The following ARHGAP11B variants were observed in gnomAD, a reference collection of about 807,000 sequenced individuals.
ARHGAP11B encodes Rho GTPase activating protein 11B.
Under a neutral mutation model 27.6 loss-of-function variants are expected in ARHGAP11B, and 14 were observed. The ratio of observed to expected loss-of-function variants is 0.51; its 90% CI spans 0.34 to 0.79. ARHGAP11B has a LOEUF of 0.79. ARHGAP11B is among the 30% of genes least tolerant of loss of function. The pLI, the probability that ARHGAP11B is intolerant of heterozygous loss-of-function variation, is 0.02. For missense variants in ARHGAP11B, 245 were observed against 320.1 expected (o/e 0.77, Z 1.79); for synonymous variants, 82 against 114.1 (o/e 0.72, Z 1.80).
exon 11 of ARHGAP11B, chr15:30,648,909 T>A (rs1255677015): frequency 6.6e-6 from 1 of 152,094 alleles, no homozygotes; most frequent in East Asian, 1.9e-4. Flanking sequence ...TAATAGAAAG[T>A]AGGATTTAAT....
Position 30,633,516 on chromosome 15 carries a change from T to G in ARHGAP11B, c.227T>G (p.Leu76Ter). The G allele has an allele frequency of 1.2e-6, 2 of 1,613,118 alleles. No individual in the cohort carries two copies. The highest frequency in any genetic ancestry group is 1.7e-6 in the Non-Finnish European group (2 of 1,179,588). ...TTTCTTGTCGATGCTTGCACATCTT[T>G]AGAAGAACATATTCATACCGAAGGG... Residue 76 changes from leucine (L) to a stop codon, truncating the protein, a stop_gained, in exon 3 of 11, where the codon TTA becomes TGA. Transcript: ENST00000428041. LOFTEE classifies it high-confidence loss of function.
intron 7 of ARHGAP11B, among the ~76,000 whole-genome samples, chr15:30,641,338 C>CT (rs561343093): frequency 0.24 from 34,177 of 142,632 alleles, 4,275 homozygotes; most frequent in Middle Eastern, 0.32. Flanking sequence ...ATAATTGTCT[C>CT]TTTTTTTTTT....
intron 6 of ARHGAP11B, among the ~76,000 whole-genome samples, chr15:30,636,204 T>G (rs2060278817): frequency 6.6e-6 from 1 of 151,862 alleles, no homozygotes; most frequent in Non-Finnish European, 1.5e-5. Flanking sequence ...TTACCTGATT[T>G]GAAGAATTGA....
chr15:30,636,243 A>G (rs1353539889), intron 6 of ARHGAP11B, among the ~76,000 whole-genome samples: 1 of 152,042 alleles, frequency 6.6e-6, no homozygotes, highest in Non-Finnish European at 1.5e-5. Flanking sequence ...ATGGTCAGCA[A>G]TGTGTGTCAG....
At chr15:30,639,968 T>TAGAGAG (rs1468172770) in intron 7 of ARHGAP11B, among the ~76,000 whole-genome samples, 2 of 125,390 alleles carry the variant, frequency 1.6e-5, no homozygotes, top group African/African-American at 5.9e-5. Flanking sequence ...TGTTTCAATA[T>TAGAGAG]AGAGTGTGTG....
rs566743223 is a variant in ARHGAP11B at position 30,631,440 on chromosome 15, C to T, written c.200+667C>T. The stretch of plus-strand genomic sequence containing the variant: ...ATTTTGAGGGCCGAGGCAGGAGGAT[C>T]GCTTGAGCTCAGGATTTTGAGACCA... On this transcript the variant is annotated intron_variant, in intron 2 of 10. Transcript: ENST00000428041. 3.2e-4 allele frequency among the ~76,000 whole-genome samples: 49 copies of T among 152,036 alleles called. No individual in the cohort carries two copies. The East Asian group carries it at 7.8e-3, about 24-fold the overall frequency.
At chr15:30,631,065 T>G (rs1310183156) in intron 2 of ARHGAP11B, among the ~76,000 whole-genome samples, 1 of 151,488 alleles carries the variant, frequency 6.6e-6, no homozygotes, top group Non-Finnish European at 1.5e-5. Context: ...CATTTCAAAC[T>G]GGTTTTAGAG....
At chr15:30,627,925 A>G (rs2060220396) in intron 1 of ARHGAP11B, among the ~76,000 whole-genome samples, 2 of 151,962 alleles carry the variant, frequency 1.3e-5, no homozygotes, top group Non-Finnish European at 2.9e-5. Context: ...TTGGTAGCAA[A>G]TTAATGGCAA....
chr15:30,638,828 T>C lies in ARHGAP11B; in HGVS notation c.*78+8T>C. 3.0e-6 allele frequency: 4 copies of C among 1,342,088 alleles called. No individual in the cohort carries two copies. Among genetic ancestry groups the C allele is most frequent in the South Asian group, 1.4e-5 (1 of 68,992 alleles). The allele number at this position is 1,342,088 out of a possible 1,614,324, so 83.1% of individuals were successfully genotyped here. On this transcript the variant is annotated splice_region_variant and intron_variant, in intron 7 of 10. Coordinates refer to ENST00000428041, the Ensembl canonical transcript of ARHGAP11B. ...CTCAACAAGAAAGAATTGGTAGGTA[T>C]TTATTATATGCATTTATTTAAATTA...
chr15:30,643,318 AC>A lies in ARHGAP11B; in HGVS notation c.*79-1318del, dbSNP rs534675276. ...TTTTGAGATGAAGTCTCACTCTGTC[AC>A]CCAGGTTGGAATGTAGTGGTGTGAT... On this transcript the variant is annotated intron_variant, in intron 7 of 10. Transcript: ENST00000428041. Among the ~76,000 whole-genome samples, 156 of 143,098 alleles carry A rather than the reference AC, an allele frequency of 1.1e-3. 2 individuals carry two copies. Among genetic ancestry groups the A allele is most frequent in the African/African-American group, 3.7e-3 (140 of 38,156 alleles). The allele number at this position is 143,098 out of a possible 152,430, so 93.9% of individuals were successfully genotyped here. A position where few individuals can be genotyped will look rare whatever the true frequency, so the allele number is the denominator to read the frequency against.
intron 1 of ARHGAP11B, among the ~76,000 whole-genome samples, chr15:30,630,120 TC>T (rs2060234999): frequency 6.6e-6 from 1 of 152,170 alleles, no homozygotes; most frequent in Admixed American, 6.5e-5. Context: ...ATTTGCACAC[TC>T]CTGCCTTGCT....
intron 2 of ARHGAP11B, among the ~76,000 whole-genome samples, chr15:30,631,328 A>G (rs76943099): frequency 7.0e-6 from 1 of 142,602 alleles, no homozygotes; most frequent in Non-Finnish European, 1.6e-5. Context: ...AATATACTGA[A>G]TTACCAATTC....
At position 30,630,710 on chromosome 15, in the gene ARHGAP11B, T is replaced by C; in HGVS notation, c.137T>C (p.Ile46Thr). Residue 46 changes from isoleucine (I) to threonine (T), a missense_variant, in exon 2 of 11, where the codon ATA (isoleucine) becomes ACA (threonine). By Grantham distance (89) the Ile-to-Thr change is moderately conservative. Transcript: ENST00000428041. ...CTGAATTTGTCATTTTAGGGTAAAATATTTGGAGTACCTTTTAATGCACTG... is the reference window on the plus strand; with the variant it reads ...CTGAATTTGTCATTTTAGGGTAAAACATTTGGAGTACCTTTTAATGCACTG... 2 of 1,607,144 alleles carry C rather than the reference T, an allele frequency of 1.2e-6. No individual in the cohort carries two copies.
chr15:30,636,761 G>A (rs1013583774), intron 6 of ARHGAP11B, among the ~76,000 whole-genome samples: 1 of 152,104 alleles, frequency 6.6e-6, no homozygotes, highest in African/African-American at 2.4e-5. Context: ...CCTGGCTCCT[G>A]GTAGTGGCTG....
At chr15:30,641,025 A>G (rs1206991607) in intron 7 of ARHGAP11B, among the ~76,000 whole-genome samples, 1 of 151,896 alleles carries the variant, frequency 6.6e-6, no homozygotes, top group African/African-American at 2.4e-5. Flanking sequence ...AGGAATGAAC[A>G]TACTGATTCC....
At chr15:30,641,190 C>T (rs577248039) in intron 7 of ARHGAP11B, among the ~76,000 whole-genome samples, 1 of 151,984 alleles carries the variant, frequency 6.6e-6, no homozygotes, top group African/African-American at 2.4e-5. Flanking sequence ...TTTGACCCTA[C>T]TTTCTCAGCC....
intron 1 of ARHGAP11B, among the ~76,000 whole-genome samples, chr15:30,627,160 C>A (rs1255176269): frequency 2.0e-5 from 3 of 151,542 alleles, no homozygotes; most frequent in Non-Finnish European, 2.9e-5. Flanking sequence ...GAGAAAGTTG[C>A]AGGATTTTCC....
At chr15:30,626,631 T>C in exon 1 of ARHGAP11B, 4 of 724,760 alleles carry the variant, frequency 5.5e-6, no homozygotes, top group Non-Finnish European at 8.9e-6. Flanking sequence ...CGGGTCTGTG[T>C]AAGTGGATGT....
Position 30,630,407 on chromosome 15 carries a change from C to T in ARHGAP11B, c.130-296C>T, listed in dbSNP as rs528585979. ...AAATTCTGTTTTAAGAATTTACTGACTAACCACTAACCAAATTGACTTTAT... is the reference window on the plus strand; with the variant it reads ...AAATTCTGTTTTAAGAATTTACTGATTAACCACTAACCAAATTGACTTTAT... On this transcript the variant is annotated intron_variant, in intron 1 of 10. Transcript: ENST00000428041. 4.7e-4 allele frequency among the ~76,000 whole-genome samples: 72 copies of T among 151,994 alleles called. 1 individual carries two copies. Among genetic ancestry groups the T allele is most frequent in the Admixed American group, 3.9e-3 (59 of 15,266 alleles).
Sources: allele counts gnomAD v4.1 joint callset (sites outside exome capture counted in the v4.1 genomes callset), GRCh38; gene constraint gnomAD v4.1.1; transcripts MANE v1.5; gene names NCBI Gene and HGNC (gene_info 2026-07-23, HGNC 2026-07-21).